The following NRG2 variants were observed in gnomAD, a reference collection of about 807,000 sequenced individuals.
NRG2 encodes the protein pro-neuregulin-2, membrane-bound isoform.
NRG2 carries 27 observed loss-of-function variants against 73.9 expected under a neutral mutation model. The observed-to-expected ratio is 0.37, with a 90% CI of 0.27 to 0.50. The LOEUF is 0.50. NRG2 is among the 20% of genes least tolerant of loss of function. The pLI is 0.96. For missense variants in NRG2, 1,126 were observed against 1,210.1 expected (o/e 0.93, Z 1.03); for synonymous variants, 532 against 541.0 (o/e 0.98, Z 0.23).
intron 1 of NRG2, among the ~76,000 whole-genome samples, chr5:140,013,559 T>C (rs990307372): frequency 1.1e-4 from 16 of 152,246 alleles, no homozygotes; most frequent in African/African-American, 3.9e-4. Context: ...CAGTAAAAAA[T>C]AATGAAATTA....
chr5:139,851,613 T>C lies in NRG2; in HGVS notation c.1763A>G (p.His588Arg). ...GGGGGTAGGAACTGACCTCTCGCTG[T>C]GTGGGGAGTCGCGAAGGGAGTCCAC... ...DSVDSLRDSP[H>R]SERYVSALTT... The change falls in exon 9 of 10, where the codon CAC (histidine) becomes CGC (arginine). Residue 588 changes from histidine to arginine, a missense_variant. Physicochemically the swap from His to Arg is conservative, Grantham distance 29. Around this residue, in one of 3 missense-constraint regions of NRG2, gnomAD observed 539 missense variants for 703.2 expected, o/e 0.77. Transcript: ENST00000361474. The surrounding 1 kb of genome is among the most constrained non-coding windows in gnomAD (Gnocchi z 4.2). 6.2e-7 allele frequency: 1 copy of C among 1,613,956 alleles called. No homozygotes were observed. The highest frequency in any genetic ancestry group is 8.5e-7 in the Non-Finnish European group (1 of 1,179,942).
chr5:139,851,780 G>C lies in NRG2; in HGVS notation c.1596C>G (p.Asp532Glu), dbSNP rs1761450640. The change falls in exon 9 of 10, where the codon GAC (aspartate) becomes GAG (glutamate). Residue 532 changes from aspartate to glutamate, a missense_variant. This residue lies in a region of NRG2 where 539 missense variants were observed against 703.2 expected (regional missense o/e 0.77). Coordinates refer to ENST00000361474, the MANE Select transcript of NRG2 (RefSeq NM_004883.3). This position sits in a 1 kb window ranked among gnomAD's most constrained non-coding sequence, Gnocchi z 4.2. ...ATGATAGCATGATCCCCGACTGGGA[G>C]TCAGAAGTCAGGCTCTCAGAACGTT... ...SLERSESLTS[D>E]SQSGIMLSSV... 6.2e-7 allele frequency: 1 copy of C among 1,614,240 alleles called. No individual in the cohort carries two copies. Among genetic ancestry groups the C allele is most frequent in the Middle Eastern group, 1.6e-4 (1 of 6,062 alleles).
intron 1 of NRG2, among the ~76,000 whole-genome samples, chr5:139,972,023 T>C (rs1049933236): frequency 6.6e-6 from 1 of 152,218 alleles, no homozygotes; most frequent in African/African-American, 2.4e-5. Context: ...GATGTTCAGG[T>C]ACCAGAATAG....
chr5:139,927,321 G>A (rs1373679920), intron 1 of NRG2, among the ~76,000 whole-genome samples: 1 of 151,954 alleles, frequency 6.6e-6, no homozygotes, highest in Non-Finnish European at 1.5e-5. Flanking sequence ...TCTGGGCTCA[G>A]ATGCCTCACA....
At chr5:139,907,990 T>C (rs948435728) in intron 1 of NRG2, among the ~76,000 whole-genome samples, 1 of 152,256 alleles carries the variant, frequency 6.6e-6, no homozygotes, top group African/African-American at 2.4e-5. Flanking sequence ...ACGACAATCC[T>C]GTGAGGGAGG....
At chr5:139,993,103 AT>A (rs1757759501) in intron 1 of NRG2, among the ~76,000 whole-genome samples, 1 of 151,634 alleles carries the variant, frequency 6.6e-6, no homozygotes, top group Non-Finnish European at 1.5e-5. Flanking sequence ...TGATGATTGC[AT>A]TTGTGTGTGG....
intron 1 of NRG2, among the ~76,000 whole-genome samples, chr5:140,023,274 T>A (rs1760386205): frequency 6.6e-6 from 1 of 152,186 alleles, no homozygotes; most frequent in African/African-American, 2.4e-5. Context: ...CCTATATCTC[T>A]ACCCCAACCA....
chr5:139,889,311 A>G (rs1412193534), intron 1 of NRG2, among the ~76,000 whole-genome samples: 2 of 152,202 alleles, frequency 1.3e-5, no homozygotes, highest in Non-Finnish European at 2.9e-5. Flanking sequence ...TTCAACAATG[A>G]TTCCATTGAA....
chr5:139,994,402 G>A (rs1409017789), intron 1 of NRG2, among the ~76,000 whole-genome samples: 1 of 152,160 alleles, frequency 6.6e-6, no homozygotes, highest in Admixed American at 6.5e-5. Context: ...TGGCTTACCT[G>A]GAACACTGGT....
rs543212991 is a variant in NRG2 at position 139,895,420 on chromosome 5, G to T, written c.701-7909C>A. 3.3e-5 allele frequency among the ~76,000 whole-genome samples: 5 copies of T among 152,364 alleles called. No individual in the cohort carries two copies. In the East Asian group the frequency reaches 9.6e-4, roughly 29 times the overall value. The stretch of plus-strand genomic sequence containing the variant: ...AGGTTCACAGAGCAGGGCAGCAGTT[G>T]CTGGGGTAGGCATAGGGATACCCAG... On this transcript the variant is annotated intron_variant, in intron 1 of 9. Transcript: ENST00000361474.
At chr5:139,876,609 G>T (rs1402525286) in intron 3 of NRG2, among the ~76,000 whole-genome samples, 1 of 152,052 alleles carries the variant, frequency 6.6e-6, no homozygotes, top group Non-Finnish European at 1.5e-5. Flanking sequence ...GGCGGGGTGG[G>T]AGCCGCTGCT....
At chr5:139,926,797 A>G (rs1345957381) in intron 1 of NRG2, among the ~76,000 whole-genome samples, 1 of 152,136 alleles carries the variant, frequency 6.6e-6, no homozygotes, top group Non-Finnish European at 1.5e-5. Flanking sequence ...TTTGGGTGCA[A>G]GTAAATCTGT....
At chr5:139,922,284 CA>C (rs1487796274) in intron 1 of NRG2, among the ~76,000 whole-genome samples, 1 of 152,094 alleles carries the variant, frequency 6.6e-6, no homozygotes, top group Non-Finnish European at 1.5e-5. Context: ...AAAAAATGAT[CA>C]AAAGACCTAA....
chr5:140,019,967 T>G (rs1313750843), intron 1 of NRG2, among the ~76,000 whole-genome samples: 2 of 152,184 alleles, frequency 1.3e-5, no homozygotes, highest in Non-Finnish European at 2.9e-5. Context: ...TTGGCCAGGC[T>G]GGTCTCAAAC....
intron 1 of NRG2, among the ~76,000 whole-genome samples, chr5:139,922,850 G>A (rs964570493): frequency 7.9e-5 from 12 of 152,246 alleles, no homozygotes; most frequent in African/African-American, 2.6e-4. Flanking sequence ...GAAGCCAATC[G>A]GAAAAGGCTA....
intron 1 of NRG2, among the ~76,000 whole-genome samples, chr5:139,974,601 C>CT (rs1756236616): frequency 6.6e-6 from 1 of 151,978 alleles, no homozygotes; most frequent in African/African-American, 2.4e-5. Context: ...TATAATTTAC[C>CT]AATAGTTTTT....
intron 1 of NRG2, among the ~76,000 whole-genome samples, chr5:140,024,681 C>A (rs1443494157): frequency 6.6e-6 from 1 of 152,192 alleles, no homozygotes; most frequent in Non-Finnish European, 1.5e-5. Context: ...AGGAGGAGGT[C>A]AGTCCCCCAT....
chr5:140,019,500 C>T (rs1249441052), intron 1 of NRG2: 8 of 152,266 alleles, frequency 5.3e-5, no homozygotes, highest in Admixed American at 1.3e-4. Context: ...CAGGCTGCTC[C>T]GAGTGCAGTG....
Position 139,960,682 on chromosome 5 carries a change from C to T in NRG2, c.701-73171G>A, listed in dbSNP as rs143833886. On this transcript the variant is annotated intron_variant, in intron 1 of 9. Coordinates refer to ENST00000361474, the MANE Select transcript of NRG2 (RefSeq NM_004883.3). Reference sequence around the variant, plus strand: ...CCTGCATCCTCTGGCTCACAGTAAACGCCATGTAAGTTGTAGCAATTATTA... The same window carrying T: ...CCTGCATCCTCTGGCTCACAGTAAATGCCATGTAAGTTGTAGCAATTATTA... 1.4e-3 allele frequency among the ~76,000 whole-genome samples: 206 copies of T among 152,296 alleles called. 1 individual carries two copies. The highest frequency in any genetic ancestry group is 3.9e-3 in the African/African-American group (163 of 41,556).
Sources: allele counts gnomAD v4.1 joint callset (sites outside exome capture counted in the v4.1 genomes callset), GRCh38; gene constraint gnomAD v4.1.1; regional missense constraint gnomAD v4.1.1; non-coding constraint Gnocchi (gnomAD v3.1); transcripts MANE v1.5; gene names NCBI Gene and HGNC (gene_info 2026-07-23, HGNC 2026-07-21).